IMMP2L: variants seen among roughly 807,000 people sequenced by gnomAD.
IMMP2L encodes the protein inner mitochondrial membrane peptidase subunit 2.
In IMMP2L, 18 loss-of-function variants were observed where a neutral mutation model predicts 19.3. That is an observed-to-expected ratio of 0.93 (90% CI 0.64 to 1.38). The LOEUF (loss-of-function observed/expected upper bound fraction) is 1.38. Among genes scored for constraint, IMMP2L ranks in the 40% most tolerant of loss-of-function variants. The pLI, the probability that IMMP2L is intolerant of heterozygous loss-of-function variation, is 0.00. For missense variants in IMMP2L, 233 were observed against 218.2 expected (o/e 1.07, Z -0.43); for synonymous variants, 76 against 73.0 (o/e 1.04, Z -0.21).
intron 5 of IMMP2L, among the ~76,000 whole-genome samples, chr7:110,857,538 T>C (rs918568514): frequency 2.0e-5 from 3 of 152,138 alleles, no homozygotes; most frequent in Admixed American, 2.0e-4. Flanking sequence ...ATTAGAATCA[T>C]ATTAGGTACC....
intron 3 of IMMP2L, among the ~76,000 whole-genome samples, chr7:111,486,919 A>T (rs1172907623): frequency 6.6e-6 from 1 of 152,178 alleles, no homozygotes; most frequent in Non-Finnish European, 1.5e-5. Flanking sequence ...GTAACAAAAA[A>T]GTTGCTTACC....
chr7:110,829,019 A>G (rs1178500665), intron 5 of IMMP2L, among the ~76,000 whole-genome samples: 1 of 152,138 alleles, frequency 6.6e-6, no homozygotes, highest in Non-Finnish European at 1.5e-5. Context: ...ATCATTTCCA[A>G]TACTTCATAT....
At chr7:111,221,779 G>A (rs1305350944) in intron 3 of IMMP2L, among the ~76,000 whole-genome samples, 1 of 151,938 alleles carries the variant, frequency 6.6e-6, no homozygotes, top group South Asian at 2.1e-4. Flanking sequence ...TAAGGCCAAA[G>A]AGCCAAGAAT....
At chr7:111,145,489 G>A (rs1334038123) in intron 3 of IMMP2L, among the ~76,000 whole-genome samples, 1 of 152,142 alleles carries the variant, frequency 6.6e-6, no homozygotes, top group Admixed American at 6.6e-5. Context: ...TCTGGTCTGG[G>A]TAGGCCAAGC....
At chr7:111,185,186 A>G (rs1286088196) in intron 3 of IMMP2L, among the ~76,000 whole-genome samples, 1 of 152,188 alleles carries the variant, frequency 6.6e-6, no homozygotes, top group Non-Finnish European at 1.5e-5. Context: ...CACCTGTCCC[A>G]AGAAGTTTTG....
intron 3 of IMMP2L, among the ~76,000 whole-genome samples, chr7:111,129,075 G>C (rs1475795040): frequency 1.3e-5 from 2 of 152,016 alleles, no homozygotes; most frequent in Admixed American, 6.6e-5. Flanking sequence ...TAACATTTTA[G>C]ATGAAAAATC....
chr7:111,006,562 A>C (rs894110034), intron 3 of IMMP2L, among the ~76,000 whole-genome samples: 25 of 152,144 alleles, frequency 1.6e-4, no homozygotes, highest in African/African-American at 5.3e-4. Flanking sequence ...TAGGAAAACC[A>C]TATTTCCCTG....
chr7:111,025,237 T>C (rs1164232974), intron 3 of IMMP2L, among the ~76,000 whole-genome samples: 1 of 152,180 alleles, frequency 6.6e-6, no homozygotes, highest in Non-Finnish European at 1.5e-5. Context: ...GGCTCACCAC[T>C]TAATCTCTCT....
chr7:110,806,048 T>C (rs993121374), intron 5 of IMMP2L, among the ~76,000 whole-genome samples: 1 of 152,018 alleles, frequency 6.6e-6, no homozygotes, highest in Non-Finnish European at 1.5e-5. Context: ...GTTATCTTTG[T>C]TCCATTCTTA....
At position 110,840,483 on chromosome 7, in the gene IMMP2L, C is replaced by T. The variant is rs552852004; in HGVS notation, c.408+46110G>A. On this transcript the variant is annotated intron_variant, in intron 5 of 5. Transcript: ENST00000405709. ...GAAAAGGAAATACATGTGGTTTAAC[C>T]GATATCATTGGTTAATGTCTGCTTA... 3.9e-5 allele frequency among the ~76,000 whole-genome samples: 6 copies of T among 152,130 alleles called. No homozygotes were observed. The South Asian group carries it at 8.3e-4, about 21-fold the overall frequency.
chr7:111,343,648 T>C (rs1052750511), intron 3 of IMMP2L, among the ~76,000 whole-genome samples: 1 of 152,086 alleles, frequency 6.6e-6, no homozygotes, highest in Non-Finnish European at 1.5e-5. Flanking sequence ...GTAAACTCAG[T>C]ATCTTTTTAA....
chr7:111,152,214 ATAT>A (rs1325274067), intron 3 of IMMP2L, among the ~76,000 whole-genome samples: 1 of 152,154 alleles, frequency 6.6e-6, no homozygotes, highest in Non-Finnish European at 1.5e-5. Context: ...TTAATATGTA[ATAT>A]TAATTGCTAT....
At chr7:110,721,044 G>A (rs1013106489) in intron 5 of IMMP2L, among the ~76,000 whole-genome samples, 1 of 142,808 alleles carries the variant, frequency 7.0e-6, no homozygotes, top group Non-Finnish European at 1.5e-5. Context: ...GTATATGCCT[G>A]TTATACAAAA....
At chr7:110,943,942 A>G (rs1447719860) in intron 4 of IMMP2L, among the ~76,000 whole-genome samples, 1 of 152,022 alleles carries the variant, frequency 6.6e-6, no homozygotes, top group Non-Finnish European at 1.5e-5. Flanking sequence ...ACTAATGTTC[A>G]GCAAATTAGA....
intron 5 of IMMP2L, among the ~76,000 whole-genome samples, chr7:110,862,850 T>G (rs77176779): frequency 0.057 from 8,712 of 152,008 alleles, 334 homozygotes; most frequent in South Asian, 0.09. Context: ...AAGAGCAAGT[T>G]TGAGTACAGC....
intron 2 of IMMP2L, among the ~76,000 whole-genome samples, chr7:111,504,546 G>A (rs976355455): frequency 2.6e-5 from 4 of 152,092 alleles, no homozygotes; most frequent in African/African-American, 7.2e-5. Context: ...AAAGCTGGAG[G>A]CATCATGCTA....
At chr7:110,718,854 C>A (rs1477218646) in intron 5 of IMMP2L, among the ~76,000 whole-genome samples, 1 of 152,156 alleles carries the variant, frequency 6.6e-6, no homozygotes, top group Admixed American at 6.5e-5. Flanking sequence ...CTAGAAGATA[C>A]CTTTGAGCAC....
intron 3 of IMMP2L, among the ~76,000 whole-genome samples, chr7:110,990,432 T>C (rs1050424846): frequency 6.6e-5 from 10 of 152,198 alleles, no homozygotes; most frequent in East Asian, 1.9e-4. Context: ...CCTGCTGTAC[T>C]CAGAGATAGC....
chr7:111,462,808 C>A (rs1840257868), intron 3 of IMMP2L, among the ~76,000 whole-genome samples: 1 of 152,162 alleles, frequency 6.6e-6, no homozygotes, highest in Admixed American at 6.5e-5. Context: ...GCAAGGTCTG[C>A]ATCTCCAAAA....
Sources: gnomAD v4.1 joint callset for allele counts (sites outside exome capture counted in the v4.1 genomes callset) on GRCh38, gnomAD v4.1.1 for gene constraint, MANE v1.5 for transcripts, NCBI Gene and HGNC (gene_info 2026-07-23, HGNC 2026-07-21) for gene names.